TNFSF13B: variants seen among roughly 807,000 people sequenced by gnomAD.
TNFSF13B encodes tumor necrosis factor ligand superfamily member 13B.
In TNFSF13B, 8 loss-of-function variants were observed where a neutral mutation model predicts 29.1. That is an observed-to-expected ratio of 0.27 (90% CI 0.16 to 0.50). The LOEUF (loss-of-function observed/expected upper bound fraction) is 0.50. Ranked by LOEUF, TNFSF13B falls within the 20% of genes least tolerant of loss-of-function variation. The pLI, the probability that TNFSF13B is intolerant of heterozygous loss-of-function variation, is 0.98. For synonymous variants in TNFSF13B, 125 were observed against 130.8 expected (o/e 0.96, Z 0.30); for missense variants, 248 against 334.9 (o/e 0.74, Z 2.03).
chr13:108,300,391 C>T (rs1753119566), intron 3 of TNFSF13B, among the ~76,000 whole-genome samples: 1 of 152,076 alleles, frequency 6.6e-6, no homozygotes, highest in Admixed American at 6.6e-5. Flanking sequence ...TTTAGTATCT[C>T]TCAAGTATAT....
intron 3 of TNFSF13B, among the ~76,000 whole-genome samples, chr13:108,297,110 T>C (rs1881476672): frequency 6.9e-6 from 1 of 145,524 alleles, no homozygotes; most frequent in Non-Finnish European, 1.5e-5. Context: ...CTATCTCCTT[T>C]AGCATTTCTC....
At chr13:108,280,418 T>C (rs1378745290) in intron 2 of TNFSF13B, among the ~76,000 whole-genome samples, 2 of 152,186 alleles carry the variant, frequency 1.3e-5, no homozygotes, top group Non-Finnish European at 2.9e-5. Flanking sequence ...GAAGATTTAA[T>C]TGCTGATTGG....
chr13:108,291,094 A>G (rs1011779837), intron 3 of TNFSF13B, among the ~76,000 whole-genome samples: 14 of 151,822 alleles, frequency 9.2e-5, no homozygotes, highest in East Asian at 3.9e-4. Flanking sequence ...CTGTTATACC[A>G]TATTGACTTA....
At chr13:108,305,196 C>G (rs1228233742) in intron 5 of TNFSF13B, among the ~76,000 whole-genome samples, 5 of 152,016 alleles carry the variant, frequency 3.3e-5, no homozygotes, top group African/African-American at 4.8e-5. Context: ...CAATTTTAAT[C>G]TGTTTTAGGG....
intron 3 of TNFSF13B, 53 bp downstream of exon 3, chr13:108,286,912 G>T (rs985734090): frequency 7.4e-7 from 1 of 1,355,924 alleles, no homozygotes; most frequent in Non-Finnish European, 1.0e-6. Flanking sequence ...ATCAATGATA[G>T]ACTGGATTAA....
intron 4 of TNFSF13B, 26 bp downstream of exon 4, chr13:108,303,391 T>C: frequency 6.2e-7 from 1 of 1,610,646 alleles, no homozygotes. Context: ...AATTCTGGTT[T>C]TACTGTTCAA....
intron 2 of TNFSF13B, among the ~76,000 whole-genome samples, chr13:108,286,298 G>A (rs907701595): frequency 1.3e-5 from 2 of 151,282 alleles, no homozygotes; most frequent in African/African-American, 4.8e-5. Flanking sequence ...AAAAGGAAGT[G>A]ATATATACTG....
chr13:108,271,554 C>T (rs1880616121), intron 2 of TNFSF13B, among the ~76,000 whole-genome samples: 1 of 151,356 alleles, frequency 6.6e-6, no homozygotes, highest in Admixed American at 6.6e-5. Context: ...AAAATTGTTT[C>T]TTATTTTATA....
At position 108,282,054 on chromosome 13, in the gene TNFSF13B, C is replaced by T. The variant is rs1185108057; in HGVS notation, c.425-4749C>T. Among the ~76,000 whole-genome samples the T allele has an allele frequency of 2.6e-5, 4 of 152,070 alleles. No individual in the cohort carries two copies. The East Asian group carries it at 7.7e-4, about 29-fold the overall frequency. On this transcript the variant is annotated intron_variant, in intron 2 of 5. Transcript: ENST00000375887. ...TGCAGAAATGAAAGTGAGGCATTGC[C>T]GTCCAAGATCCTCCTTCTTTAAAAA...
chr13:108,297,062 T>A (rs1331176902), intron 3 of TNFSF13B, among the ~76,000 whole-genome samples: 1 of 145,902 alleles, frequency 6.9e-6, no homozygotes, highest in East Asian at 1.9e-4. Context: ...TTTCTTCATA[T>A]GTCTTTCAAT....
intron 2 of TNFSF13B, among the ~76,000 whole-genome samples, chr13:108,278,783 C>T (rs537759181): frequency 8.4e-5 from 12 of 142,742 alleles, no homozygotes; most frequent in Admixed American, 4.4e-4. Flanking sequence ...GGAATAACTG[C>T]GCTGTGACAG....
rs147950578 is a variant in TNFSF13B, at chr13:108,271,408, A to T, written c.424+984A>T. ...TTTCACTTCTGAAGAGAATTGCATA[A>T]GAAATGTAGTGAGAGATAGACCAGG... On this transcript the variant is annotated intron_variant, in intron 2 of 5. Transcript: ENST00000375887. Among the ~76,000 whole-genome samples the T allele has an allele frequency of 9.6e-4, 144 of 150,358 alleles. 1 individual carries two copies. Among genetic ancestry groups the T allele is most frequent in the African/African-American group, 3.4e-3 (139 of 41,012 alleles).
At chr13:108,289,207 C>T (rs1881232776) in intron 3 of TNFSF13B, among the ~76,000 whole-genome samples, 1 of 152,008 alleles carries the variant, frequency 6.6e-6, no homozygotes, top group South Asian at 2.1e-4. Flanking sequence ...TATGCAGCTG[C>T]TATACTCCAA....
At chr13:108,279,064 T>C (rs1880856605) in intron 2 of TNFSF13B, among the ~76,000 whole-genome samples, 1 of 152,010 alleles carries the variant, frequency 6.6e-6, no homozygotes, top group Non-Finnish European at 1.5e-5. Context: ...TTTTGTTTTA[T>C]GGAACCCCTT....
intron 3 of TNFSF13B, among the ~76,000 whole-genome samples, chr13:108,297,003 C>T (rs114336733): frequency 0.016 from 2,292 of 145,674 alleles, 353 homozygotes; most frequent in African/African-American, 0.054. Flanking sequence ...AATACACTTA[C>T]AATGGCTTTT....
chr13:108,269,925 A>T lies in TNFSF13B; in HGVS notation c.30A>T (p.Ser10=), dbSNP rs1482030413. Residue 10 remains serine (S), a synonymous_variant, in exon 1 of 6, where the codon TCA becomes TCT. Transcript: ENST00000375887. ...ATGACTCCACAGAAAGGGAGCAGTC[A>T]CGCCTTACTTCTTGCCTTAAGAAAA... MDDSTEREQ[S]RLTSCLKKRE... 1.2e-6 allele frequency: 2 copies of T among 1,612,708 alleles called. No individual in the cohort carries two copies. Among genetic ancestry groups the T allele is most frequent in the Admixed American group, 1.7e-5 (1 of 59,934 alleles).
At chr13:108,283,799 A>G (rs1416245327) in intron 2 of TNFSF13B, among the ~76,000 whole-genome samples, 1 of 152,160 alleles carries the variant, frequency 6.6e-6, no homozygotes, top group African/African-American at 2.4e-5. Flanking sequence ...ATGCCTCCTC[A>G]CTGGGTTCTC....
rs1173922525 is a variant in TNFSF13B, at chr13:108,270,475, T to C, written c.424+51T>C. On this transcript the variant is annotated intron_variant, in intron 2 of 5. Coordinates refer to ENST00000375887, the MANE Select transcript of TNFSF13B (RefSeq NM_006573.5). The stretch of plus-strand genomic sequence containing the variant: ...AGGAGTCAGGGATTAGAGAATAACA[T>C]CCAGTCTGGGGGAGCTGGAGGTGAG... The C allele has an allele frequency of 2.6e-6, 4 of 1,548,996 alleles. No individual in the cohort carries two copies. The African/African-American group carries it at 5.4e-5, about 21-fold the overall frequency.
In TNFSF13B at chr13:108,301,878, A is replaced by G. The variant is rs79839827; in HGVS notation, c.482-1375A>G. Among the ~76,000 whole-genome samples the G allele has an allele frequency of 6.3e-3, 961 of 152,354 alleles. 10 individuals carry two copies. Among genetic ancestry groups the G allele is most frequent in the African/African-American group, 0.022 (912 of 41,584 alleles). On this transcript the variant is annotated intron_variant, in intron 3 of 5. Transcript: ENST00000375887. The stretch of plus-strand genomic sequence containing the variant: ...TTGCACAATGCCTATATATTTCAAG[A>G]CATCATGTTGTACATGACAAATATG...
Sources: allele counts gnomAD v4.1 joint callset (sites outside exome capture counted in the v4.1 genomes callset), GRCh38; gene constraint gnomAD v4.1.1; transcripts MANE v1.5; gene names NCBI Gene and HGNC (gene_info 2026-07-23, HGNC 2026-07-21).